FGD5: variants seen among roughly 807,000 people sequenced by gnomAD.
FGD5 encodes FYVE, RhoGEF and PH domain containing 5.
Under a neutral mutation model 133.4 loss-of-function variants are expected in FGD5, and 28 were observed. The observed-to-expected ratio is 0.21, with a 90% CI of 0.16 to 0.29. The LOEUF (loss-of-function observed/expected upper bound fraction) is 0.29. Among genes scored for constraint, FGD5 ranks in the 10% least tolerant of loss-of-function variants. The pLI is 1.00. For missense variants in FGD5, 1,858 were observed against 1,895.2 expected, an observed-to-expected ratio of 0.98 and a Z score of 0.36; for synonymous variants, 810 against 776.5, an observed-to-expected ratio of 1.04 and a Z score of -0.72.
intron 1 of FGD5, chr3:14,811,517 C>A (rs1369718035): frequency 6.6e-6 from 1 of 152,616 alleles, no homozygotes; most frequent in Admixed American, 6.5e-5. Flanking sequence ...CCTAGGGGAC[C>A]CAATGCCAAG....
In FGD5 at chr3:14,864,188, T is replaced by G. The variant is rs1428466122; in HGVS notation, c.2586T>G (p.Leu862=). ...PISSAAPKED[L]TSDEEQRSSE... is the part of the protein sequence containing the mutation. ...CGTCGGCAGCCCCCAAAGAGGACCT[T>G]ACGTCGGATGAAGAGCAGAGAAGCT... Residue 862 remains leucine, a synonymous_variant, in exon 2 of 20, where the codon CTT becomes CTG. Transcript: ENST00000285046. 2 of 1,614,012 alleles carry G rather than the reference T, an allele frequency of 1.2e-6. No individual in the cohort carries two copies. The highest frequency in any genetic ancestry group is 2.2e-5 in the East Asian group (1 of 44,880).
At chr3:14,869,917 T>C (rs1174577394) in intron 2 of FGD5, among the ~76,000 whole-genome samples, 1 of 152,240 alleles carries the variant, frequency 6.6e-6, no homozygotes, top group African/African-American at 2.4e-5. Flanking sequence ...CACAGATCTC[T>C]CTAAGACCCT....
At chr3:14,811,148 T>G (rs2036287042) in intron 1 of FGD5, among the ~76,000 whole-genome samples, 1 of 151,944 alleles carries the variant, frequency 6.6e-6, no homozygotes, top group Admixed American at 6.5e-5. Context: ...CGCACGGCGT[T>G]CCCCGGAGTG....
intron 1 of FGD5, among the ~76,000 whole-genome samples, chr3:14,828,314 T>C (rs1318169740): frequency 6.6e-6 from 1 of 152,138 alleles, no homozygotes; most frequent in East Asian, 1.9e-4. Flanking sequence ...GAGTAGACAT[T>C]GCAGGAAAAG....
intron 7 of FGD5, 59 bp from the exon 8 acceptor site, chr3:14,900,344 G>C (rs1473633437): frequency 6.4e-7 from 1 of 1,571,290 alleles, no homozygotes. Context: ...GGCCACAGTT[G>C]TGGGCAGGAG....
chr3:14,922,585 G>A lies in FGD5; in HGVS notation c.3807+37G>A. On this transcript the variant is annotated intron_variant, in intron 15 of 19. Transcript: ENST00000285046. This position sits in a 1 kb window ranked among gnomAD's most constrained non-coding sequence, Gnocchi z 4.1. ...CATCTGGGGTGAGTGTGTGCATGGG[G>A]GTGGGGTGGGGGAAGGGCATGTCCC... is the stretch of plus-strand genomic sequence containing the variant. 6.4e-7 allele frequency: 1 copy of A among 1,550,440 alleles called. No homozygotes were observed. Among genetic ancestry groups the A allele is most frequent in the Non-Finnish European group, 8.7e-7 (1 of 1,149,832 alleles).
chr3:14,888,382 A>T (rs1292800402), intron 4 of FGD5, among the ~76,000 whole-genome samples: 1 of 152,176 alleles, frequency 6.6e-6, no homozygotes, highest in Non-Finnish European at 1.5e-5. Context: ...ATAGTCTGAC[A>T]ATGCAGTATT....
intron 2 of FGD5, among the ~76,000 whole-genome samples, chr3:14,870,557 G>A (rs773298386): frequency 9.2e-5 from 14 of 152,078 alleles, no homozygotes; most frequent in Admixed American, 3.9e-4. Context: ...GTTCTCCTTC[G>A]TTTCTGACTG....
rs750631814 is a variant in FGD5 at position 14,821,242 on chromosome 3, T to G, written c.2171T>G (p.Phe724Cys). The change falls in exon 1 of 20, where the codon TTT (phenylalanine) becomes TGT (cysteine). Residue 724 changes from phenylalanine (F) to cysteine (C), a missense_variant. By Grantham distance (205) the Phe-to-Cys change is radical (BLOSUM62 -2). Around this residue, in one of 3 missense-constraint regions of FGD5, gnomAD observed 1,824 missense variants for 1,848.9 expected, o/e 0.99. Transcript: ENST00000285046. ...RASESPSSLI[F>C]YRDGKRKGVP... ...TCTGAATCCCCCTCCTCCCTCATCTTTTATAGAGATGGCAAGAGGAAAGGT... is the reference window on the plus strand; with the variant it reads ...TCTGAATCCCCCTCCTCCCTCATCTGTTATAGAGATGGCAAGAGGAAAGGT... 3 of 1,613,796 alleles carry G rather than the reference T, an allele frequency of 1.9e-6. No individual in the cohort carries two copies. Among genetic ancestry groups the G allele is most frequent in the Non-Finnish European group, 2.5e-6 (3 of 1,179,854 alleles).
At chr3:14,825,484 C>G (rs955766648) in intron 1 of FGD5, among the ~76,000 whole-genome samples, 17 of 151,540 alleles carry the variant, frequency 1.1e-4, no homozygotes, top group African/African-American at 3.2e-4. Flanking sequence ...TATATGTACA[C>G]ACGCACACGT....
chr3:14,928,574 G>A (rs143438863), intron 18 of FGD5, among the ~76,000 whole-genome samples: 5 of 152,030 alleles, frequency 3.3e-5, no homozygotes, highest in African/African-American at 9.6e-5. Flanking sequence ...GCAAAACCTC[G>A]TCTCTACTAA....
chr3:14,844,304 C>T (rs537737158), intron 1 of FGD5, among the ~76,000 whole-genome samples: 2 of 122,456 alleles, frequency 1.6e-5, no homozygotes, highest in Non-Finnish European at 3.3e-5. Flanking sequence ...CCCTGAGACT[C>T]GGATTCACTG....
At chr3:14,846,218 G>A (rs1203357862) in intron 1 of FGD5, among the ~76,000 whole-genome samples, 2 of 152,184 alleles carry the variant, frequency 1.3e-5, no homozygotes, top group African/African-American at 4.8e-5. Context: ...AGGCATGTGT[G>A]GTTTGGGGGC....
chr3:14,880,902 C>G, intron 4 of FGD5, 130 bp downstream of exon 4: 1 of 1,208,012 alleles, frequency 8.3e-7, no homozygotes, highest in Middle Eastern at 2.3e-4. Flanking sequence ...CAGGCACTCA[C>G]CGACGCTTTT....
chr3:14,871,802 C>T (rs925808756), intron 2 of FGD5, among the ~76,000 whole-genome samples: 1 of 152,216 alleles, frequency 6.6e-6, no homozygotes, highest in Non-Finnish European at 1.5e-5. Flanking sequence ...AAAGGGGAGT[C>T]TCAGACATGC....
chr3:14,836,265 G>T (rs114854698), intron 1 of FGD5, among the ~76,000 whole-genome samples: 1 of 152,314 alleles, frequency 6.6e-6, no homozygotes, highest in Non-Finnish European at 1.5e-5. Context: ...CTCCCCGCCC[G>T]GGAAGCTCCT....
chr3:14,880,818 A>T (rs377464940), intron 4 of FGD5, 46 bp downstream of exon 4: 71 of 1,601,666 alleles, frequency 4.4e-5, no homozygotes, highest in Middle Eastern at 3.3e-4. Context: ...CCCTTTTACA[A>T]GTCTGTGATA....
At chr3:14,843,941 C>T (rs150028244) in intron 1 of FGD5, among the ~76,000 whole-genome samples, 3,364 of 151,230 alleles carry the variant, frequency 0.022, 115 homozygotes, top group African/African-American at 0.077. Context: ...GTGATCTGCT[C>T]GCCTCGGCCT....
intron 4 of FGD5, among the ~76,000 whole-genome samples, chr3:14,880,988 G>C (rs562625677): frequency 1.3e-5 from 2 of 152,318 alleles, no homozygotes; most frequent in South Asian, 4.1e-4. Flanking sequence ...GGGATGGGGT[G>C]CATGGGGGCA....
Sources: allele counts gnomAD v4.1 joint callset (sites outside exome capture counted in the v4.1 genomes callset), GRCh38; gene constraint gnomAD v4.1.1; regional missense constraint gnomAD v4.1.1; non-coding constraint Gnocchi (gnomAD v3.1); transcripts MANE v1.5; gene names NCBI Gene and HGNC (gene_info 2026-07-23, HGNC 2026-07-21).